The following OTUD7A variants were observed in gnomAD, a reference collection of about 807,000 sequenced individuals.
The protein encoded by OTUD7A is OTU domain-containing protein 7A.
OTUD7A carries 12 observed loss-of-function variants against 65.7 expected under a neutral mutation model. That is an observed-to-expected ratio of 0.18 (90% CI 0.12 to 0.30). The LOEUF (loss-of-function observed/expected upper bound fraction) is 0.30. Among genes scored for constraint, OTUD7A ranks in the 10% least tolerant of loss-of-function variants. OTUD7A has a pLI of 1.00. For synonymous variants in OTUD7A, 641 were observed against 586.3 expected (o/e 1.09, Z -1.35); for missense variants, 1,148 against 1,304.8 (o/e 0.88, Z 1.85).
At chr15:31,512,436 A>G (rs1012013107) in intron 8 of OTUD7A, among the ~76,000 whole-genome samples, 1 of 152,194 alleles carries the variant, frequency 6.6e-6, no homozygotes, top group African/African-American at 2.4e-5. Context: ...TATTACTTGA[A>G]TATAAATTTA....
intron 3 of OTUD7A, among the ~76,000 whole-genome samples, chr15:31,631,835 C>A (rs1333693728): frequency 1.3e-5 from 2 of 152,150 alleles, no homozygotes; most frequent in African/African-American, 2.4e-5. Context: ...TCATTTCATT[C>A]ATTTCATCTT....
intron 1 of OTUD7A, among the ~76,000 whole-genome samples, chr15:31,741,265 T>C (rs746943768): frequency 2.6e-5 from 4 of 152,134 alleles, no homozygotes; most frequent in East Asian, 3.8e-4. Context: ...CAAAATAATA[T>C]AGGAGGTTGT....
At position 31,579,689 on chromosome 15, in the gene OTUD7A, T is replaced by C. The variant is rs1284770234; in HGVS notation, c.152-9492A>G. Among the ~76,000 whole-genome samples the C allele has an allele frequency of 4.6e-5, 7 of 152,240 alleles. 1 individual carries two copies. The highest frequency in any genetic ancestry group is 8.8e-5 in the Non-Finnish European group (6 of 68,034). Reference sequence around the variant, plus strand: ...TGGATAAGGGGGGCTATTGTATGTATGTGCATGTGTGTATGTATATATGTA... The same window carrying C: ...TGGATAAGGGGGGCTATTGTATGTACGTGCATGTGTGTATGTATATATGTA... On this transcript the variant is annotated intron_variant, in intron 3 of 12. Transcript: ENST00000307050.
At chr15:31,591,622 A>G (rs1889726805) in intron 3 of OTUD7A, among the ~76,000 whole-genome samples, 1 of 152,150 alleles carries the variant, frequency 6.6e-6, no homozygotes, top group African/African-American at 2.4e-5. Flanking sequence ...GCAGGTCGTG[A>G]GACTTCTCAG....
intron 3 of OTUD7A, among the ~76,000 whole-genome samples, chr15:31,639,949 C>T (rs887308021): frequency 6.6e-6 from 1 of 152,246 alleles, no homozygotes; most frequent in Admixed American, 6.5e-5. Context: ...GTATTTTCTT[C>T]CAACTTGCAG....
At chr15:31,824,393 C>A (rs1896752975) in intron 1 of OTUD7A, among the ~76,000 whole-genome samples, 1 of 152,172 alleles carries the variant, frequency 6.6e-6, no homozygotes, top group African/African-American at 2.4e-5. Flanking sequence ...ATGCCCACAA[C>A]ACACTGAGCA....
At chr15:31,662,032 G>C (rs34280358) in intron 1 of OTUD7A, among the ~76,000 whole-genome samples, 3,885 of 152,286 alleles carry the variant, frequency 0.026, 167 homozygotes, top group African/African-American at 0.089. Context: ...GCACTGGGAT[G>C]TAAGACTCGA....
At chr15:31,602,392 C>A (rs535823595) in intron 3 of OTUD7A, among the ~76,000 whole-genome samples, 39 of 152,204 alleles carry the variant, frequency 2.6e-4, no homozygotes, top group African/African-American at 8.9e-4. Context: ...AGGCCTTCGA[C>A]AAAATTCAAC....
chr15:31,648,746 C>T (rs1241568215), intron 3 of OTUD7A, among the ~76,000 whole-genome samples: 3 of 152,094 alleles, frequency 2.0e-5, no homozygotes, highest in East Asian at 1.9e-4. Context: ...GTAACTTCTG[C>T]CCCCTGCCTT....
chr15:31,501,607 C>A, intron 10 of OTUD7A, 83 bp downstream of exon 10: 12 of 1,568,264 alleles, frequency 7.7e-6, no homozygotes, highest in Non-Finnish European at 9.6e-6. Context: ...CCACAATCCA[C>A]CTCCCCGTGC....
intron 3 of OTUD7A, among the ~76,000 whole-genome samples, chr15:31,629,058 T>C (rs1426472617): frequency 2.0e-5 from 3 of 152,120 alleles, no homozygotes; most frequent in Admixed American, 2.0e-4. Context: ...TTTGACTTCC[T>C]CTTTTCCTAA....
At chr15:31,580,533 A>G (rs944012038) in intron 3 of OTUD7A, among the ~76,000 whole-genome samples, 22 of 152,356 alleles carry the variant, frequency 1.4e-4, no homozygotes, top group Admixed American at 3.9e-4. Flanking sequence ...TCATGCTGCT[A>G]GTAAAGACAT....
intron 1 of OTUD7A, chr15:31,768,177 C>G: frequency 7.1e-7 from 1 of 1,402,146 alleles, no homozygotes; most frequent in Non-Finnish European, 1.0e-6. Flanking sequence ...CGATAAGGCC[C>G]GGGAGGCACA....
At chr15:31,591,282 C>A (rs1889716067) in intron 3 of OTUD7A, among the ~76,000 whole-genome samples, 1 of 152,034 alleles carries the variant, frequency 6.6e-6, no homozygotes, top group Non-Finnish European at 1.5e-5. Flanking sequence ...ACTGGGAGAG[C>A]TTGGAGTGGT....
At chr15:31,589,460 CTTGT>C (rs1889651828) in intron 3 of OTUD7A, among the ~76,000 whole-genome samples, 1 of 112,876 alleles carries the variant, frequency 8.9e-6, no homozygotes. Flanking sequence ...CTGTCCTGGG[CTTGT>C]TTTTTTTTTT....
chr15:31,678,523 G>A (rs1892642430), intron 1 of OTUD7A, among the ~76,000 whole-genome samples: 2 of 152,210 alleles, frequency 1.3e-5, no homozygotes, highest in Admixed American at 1.3e-4. Context: ...GCTTTGTGCA[G>A]TCTCAGGACT....
chr15:31,625,099 C>A (rs1890911200), intron 3 of OTUD7A, among the ~76,000 whole-genome samples: 1 of 152,200 alleles, frequency 6.6e-6, no homozygotes, highest in Admixed American at 6.5e-5. Flanking sequence ...TGATGCTTTA[C>A]AAGGTTGCCC....
rs1407567542 is a variant in OTUD7A, at chr15:31,479,271, G to GGTCT, written c.*4019_*4022dup. ...GCGAGGATGAAGCCAGGGCTGGTAA[G>GGTCT]GTCTGTCTGGCCCAGCAGGGCTTGC... On this transcript the variant is annotated 3_prime_UTR_variant, in exon 13 of 13. Transcript: ENST00000307050. The GGTCT allele has an allele frequency of 3.3e-5, 5 of 152,328 alleles. No individual in the cohort carries two copies. In the Middle Eastern group the frequency reaches 0.01, roughly 309 times the overall value. 9.4% of individuals were successfully genotyped at this position (152,328 alleles called of 1,614,324 possible).
intron 1 of OTUD7A, among the ~76,000 whole-genome samples, chr15:31,814,018 G>A (rs912709143): frequency 4.6e-5 from 7 of 152,306 alleles, no homozygotes; most frequent in East Asian, 1.9e-4. Flanking sequence ...AAAAAGAAAC[G>A]GTGAGAGCAT....
Sources: allele counts gnomAD v4.1 joint callset (sites outside exome capture counted in the v4.1 genomes callset), GRCh38; gene constraint gnomAD v4.1.1; transcripts MANE v1.5; gene names NCBI Gene and HGNC (gene_info 2026-07-23, HGNC 2026-07-21).